Variants in RIN3 observed in about 807,000 individuals in gnomAD.
The protein encoded by RIN3 is Ras and Rab interactor 3, also known as RAB5 interacting protein 3.
In RIN3, 54 loss-of-function variants were observed where a neutral mutation model predicts 76.3. The observed-to-expected ratio is 0.71, with a 90% CI of 0.57 to 0.89. The LOEUF is 0.89. Among genes scored for constraint, RIN3 ranks in the 40% least tolerant of loss-of-function variants. RIN3 has a pLI of 0.00. For synonymous variants in RIN3, 576 were observed against 564.0 expected, an observed-to-expected ratio of 1.02 and a Z score of -0.30; for missense variants, 1,256 against 1,322.1, an observed-to-expected ratio of 0.95 and a Z score of 0.78.
At chr14:92,628,450 G>A (rs1026749396) in intron 4 of RIN3, among the ~76,000 whole-genome samples, 1 of 152,174 alleles carries the variant, frequency 6.6e-6, no homozygotes, top group Non-Finnish European at 1.5e-5. Flanking sequence ...CCTCCTGTGG[G>A]CTCCAATCTT....
intron 3 of RIN3, among the ~76,000 whole-genome samples, chr14:92,594,619 G>T (rs1179662635): frequency 6.6e-6 from 1 of 152,162 alleles, no homozygotes; most frequent in Non-Finnish European, 1.5e-5. Context: ...TGACGTAAAT[G>T]AAAATGAAAA....
At chr14:92,553,900 C>A (rs1317413145) in intron 1 of RIN3, among the ~76,000 whole-genome samples, 1 of 152,200 alleles carries the variant, frequency 6.6e-6, no homozygotes, top group East Asian at 1.9e-4. Context: ...CCCTACAGCC[C>A]TGCCTTCAGG....
At chr14:92,671,295 T>C (rs561544818) in intron 7 of RIN3, among the ~76,000 whole-genome samples, 14 of 145,202 alleles carry the variant, frequency 9.6e-5, no homozygotes, top group Non-Finnish European at 1.8e-4. Flanking sequence ...AAGAAGTTGA[T>C]AACGGGAAGG....
intron 1 of RIN3, among the ~76,000 whole-genome samples, chr14:92,521,283 T>G (rs767012751): frequency 2.6e-4 from 40 of 152,110 alleles, no homozygotes; most frequent in Admixed American, 3.9e-4. Context: ...TCACCTACCC[T>G]TCCATCCTTC....
intron 1 of RIN3, among the ~76,000 whole-genome samples, chr14:92,516,228 A>T (rs1044428015): frequency 6.6e-6 from 1 of 152,220 alleles, no homozygotes; most frequent in Non-Finnish European, 1.5e-5. Flanking sequence ...CCCTAATTTA[A>T]CAATGAGGAA....
chr14:92,603,714 CA>C, intron 3 of RIN3, among the ~76,000 whole-genome samples: 1 of 152,310 alleles, frequency 6.6e-6, no homozygotes, highest in East Asian at 1.9e-4. Context: ...CTGCTCTTCT[CA>C]CTTTTGGCAG....
At chr14:92,671,923 C>T (rs116247804) in intron 7 of RIN3, among the ~76,000 whole-genome samples, 1,680 of 152,198 alleles carry the variant, frequency 0.011, 37 homozygotes, top group African/African-American at 0.039. Context: ...TAAACAAGGA[C>T]GGGCCATAAG....
chr14:92,609,219 C>A (rs956431545), intron 3 of RIN3, among the ~76,000 whole-genome samples: 4 of 152,122 alleles, frequency 2.6e-5, no homozygotes, highest in South Asian at 2.1e-4. Context: ...ATGGATGTTC[C>A]ATTTTGATGT....
intron 1 of RIN3, among the ~76,000 whole-genome samples, chr14:92,544,567 A>G (rs1897210696): frequency 6.6e-6 from 1 of 152,194 alleles, no homozygotes; most frequent in African/African-American, 2.4e-5. Flanking sequence ...TAAAATGCCA[A>G]GAAAAAACAG....
At chr14:92,655,362 CAGAG>C (rs1052483312) in intron 6 of RIN3, among the ~76,000 whole-genome samples, 3 of 151,868 alleles carry the variant, frequency 2.0e-5, no homozygotes, top group Non-Finnish European at 4.4e-5. Context: ...AGGAAAGAGA[CAGAG>C]AGACAGAGAG....
Position 92,685,002 on chromosome 14 carries a change from C to A in RIN3, c.2483C>A (p.Thr828Asn). The A allele has an allele frequency of 6.2e-7, 1 of 1,613,396 alleles. No homozygotes were observed. The highest frequency in any genetic ancestry group is 1.3e-5 in the African/African-American group (1 of 75,042). The change falls in exon 9 of 10, where the codon ACC becomes AAC. Residue 828 changes from threonine to asparagine, a missense_variant. Physicochemically the swap from Thr to Asn is moderately conservative, Grantham distance 65. Coordinates refer to ENST00000216487, the MANE Select transcript of RIN3 (RefSeq NM_024832.5). This position sits in a 1 kb window ranked among gnomAD's most constrained non-coding sequence, Gnocchi z 4.7. Reference sequence around the variant, plus strand: ...GTCCACGCAGGTTCCTACTATCTGACCACCACCTACGGGGCCCTGGAGCAC... The same window carrying A: ...GTCCACGCAGGTTCCTACTATCTGAACACCACCTACGGGGCCCTGGAGCAC... ...LQLGEGSYYLTTTYGALEHIK... is the reference protein window; with the variant it reads ...LQLGEGSYYLNTTYGALEHIK...
intron 1 of RIN3, chr14:92,515,395 C>T (rs1284899024): frequency 3.5e-6 from 2 of 576,710 alleles, no homozygotes; most frequent in South Asian, 4.2e-5. Flanking sequence ...CTCATTTTCC[C>T]CAGAGATGAC....
chr14:92,650,209 T>A (rs79920549), intron 5 of RIN3, among the ~76,000 whole-genome samples: 13,938 of 152,242 alleles, frequency 0.092, 798 homozygotes, highest in Middle Eastern at 0.19. Flanking sequence ...CAAGTTCCTA[T>A]GAAGGAAGGC....
At chr14:92,532,515 G>T (rs924206695) in intron 1 of RIN3, among the ~76,000 whole-genome samples, 1 of 152,178 alleles carries the variant, frequency 6.6e-6, no homozygotes, top group Non-Finnish European at 1.5e-5. Context: ...GGGCACCCAG[G>T]CTCCTTGTCT....
Position 92,652,345 on chromosome 14 carries a change from AG to A in RIN3, c.1298del (p.Gly433AlafsTer6). 6.2e-7 allele frequency: 1 copy of A among 1,604,864 alleles called. No individual in the cohort carries two copies. The highest frequency in any genetic ancestry group is 8.5e-7 in the Non-Finnish European group (1 of 1,174,472). On this transcript the variant is annotated frameshift_variant, in exon 6 of 10. Coordinates refer to ENST00000216487, the MANE Select transcript of RIN3 (RefSeq NM_024832.5). LOFTEE classifies it high-confidence loss of function. The surrounding 1 kb of genome is among the most constrained non-coding windows in gnomAD (Gnocchi z 6.4). The part of the protein sequence containing the change: ...EDTPRESTEQ[G>X]QDTEVKASDP... ...ACACGCCCCGGGAGAGCACGGAGCA[AG>A]GCCAGGACACAGAGGTGAAAGCCAG...
At chr14:92,645,757 T>C (rs11160085) in intron 5 of RIN3, among the ~76,000 whole-genome samples, 48,422 of 152,074 alleles carry the variant, frequency 0.32, 7,901 homozygotes, top group Admixed American at 0.39. Context: ...AGTTCAAGAT[T>C]GGCCTGGACA....
chr14:92,641,411 CAGAGGG>C (rs1175688809), intron 5 of RIN3, 82 bp downstream of exon 5: 1 of 1,027,118 alleles, frequency 9.7e-7, no homozygotes, highest in African/African-American at 1.6e-5. Flanking sequence ...GCCGCCTGTG[CAGAGGG>C]ACAGCCTGAG....
intron 6 of RIN3, among the ~76,000 whole-genome samples, chr14:92,655,380 A>AGAGACAG (rs1442724236): frequency 2.6e-4 from 40 of 151,964 alleles, no homozygotes; most frequent in Non-Finnish European, 4.7e-4. Context: ...CAGAGAGACA[A>AGAGACAG]AGGGAGAGAG....
rs148326639 is a variant in RIN3 at position 92,604,909 on chromosome 14, C to CTT, written c.368-10466_368-10465dup. On this transcript the variant is annotated intron_variant, in intron 3 of 9. Coordinates refer to ENST00000216487, the MANE Select transcript of RIN3 (RefSeq NM_024832.5). ...TGTCAATTTCCTTATCCATTTTCCT[C>CTT]TTTTTTTTTTTTTTTTTTTTTTTTT... 7.8e-3 allele frequency among the ~76,000 whole-genome samples: 705 copies of CTT among 90,000 alleles called. 3 individuals carry two copies. The highest frequency in any genetic ancestry group is 0.011 in the Non-Finnish European group (510 of 48,344). The allele number at this position is 90,000 out of a possible 152,430, so 59.0% of individuals were successfully genotyped here.
Sources: allele counts gnomAD v4.1 joint callset (sites outside exome capture counted in the v4.1 genomes callset), GRCh38; gene constraint gnomAD v4.1.1; non-coding constraint Gnocchi (gnomAD v3.1); transcripts MANE v1.5; gene names NCBI Gene and HGNC (gene_info 2026-07-23, HGNC 2026-07-21).